KCNAB2: variants seen among roughly 807,000 people sequenced by gnomAD.
The protein encoded by KCNAB2 is voltage-gated potassium channel subunit beta-2.
Under a neutral mutation model 63.6 loss-of-function variants are expected in KCNAB2, and 29 were observed. The observed-to-expected ratio is 0.46, with a 90% CI of 0.34 to 0.62. The LOEUF (loss-of-function observed/expected upper bound fraction) is 0.62, where lower values mean the gene tolerates loss of function less well. KCNAB2 is among the 20% of genes least tolerant of loss of function. KCNAB2 has a pLI of 0.01. For synonymous variants in KCNAB2, 222 were observed against 224.2 expected (o/e 0.99, Z 0.09); for missense variants, 359 against 563.9 (o/e 0.64, Z 3.68).
chr1:6,081,997 A>G (rs1194398841), intron 4 of KCNAB2, among the ~76,000 whole-genome samples, 198 bp from the exon 5 acceptor site: 6 of 151,700 alleles, frequency 4.0e-5, no homozygotes, highest in Non-Finnish European at 8.8e-5. Flanking sequence ...ATTCTTCTCA[A>G]TGGGTTTGTT....
intron 2 of KCNAB2, 67 bp downstream of exon 2, chr1:6,051,821 G>T: frequency 6.8e-7 from 1 of 1,467,452 alleles, no homozygotes. Flanking sequence ...ATGTATAAAA[G>T]GGCTGGGCAC....
At chr1:6,082,359 C>T in intron 5 of KCNAB2, 85 bp downstream of exon 5, 2 of 1,042,686 alleles carry the variant, frequency 1.9e-6, no homozygotes, top group East Asian at 4.8e-5. Flanking sequence ...CTCGCGTTCC[C>T]AAGAGTGCTC....
At chr1:6,072,537 C>T (rs1428501464) in intron 2 of KCNAB2, among the ~76,000 whole-genome samples, 2 of 152,316 alleles carry the variant, frequency 1.3e-5, no homozygotes, top group East Asian at 1.9e-4. Flanking sequence ...CAGCAGGGCC[C>T]GTGCCAGCAG....
At chr1:6,023,845 T>C (rs1198978289) in intron 1 of KCNAB2, among the ~76,000 whole-genome samples, 1 of 152,074 alleles carries the variant, frequency 6.6e-6, no homozygotes, top group African/African-American at 2.4e-5. Context: ...TGATCATAAC[T>C]CACTGTAGCC....
At chr1:6,056,442 G>A (rs1661833141) in intron 2 of KCNAB2, among the ~76,000 whole-genome samples, 2 of 152,228 alleles carry the variant, frequency 1.3e-5, no homozygotes, top group African/African-American at 4.8e-5. Context: ...TAAGCATGAG[G>A]GAGCAGGGTG....
chr1:6,020,550 G>T (rs1658760575), intron 1 of KCNAB2, among the ~76,000 whole-genome samples: 1 of 152,318 alleles, frequency 6.6e-6, no homozygotes, highest in Non-Finnish European at 1.5e-5. Context: ...CTGGACTCGG[G>T]TTATGGACCG....
At position 6,071,579 on chromosome 1, in the gene KCNAB2, G is replaced by A. The variant is rs1049472343; in HGVS notation, c.219-1176G>A. 3.9e-5 allele frequency among the ~76,000 whole-genome samples: 6 copies of A among 152,220 alleles called. No homozygotes were observed. Among genetic ancestry groups the A allele is most frequent in the East Asian group, 3.8e-4 (2 of 5,196 alleles). ...CCTGGGTGGGATCCAGCTCCTCCGC[G>A]TGCTGGGCAGGTATCGTAACGTGGG... On this transcript the variant is annotated intron_variant, in intron 2 of 15. Coordinates refer to ENST00000378083, the MANE Select transcript of KCNAB2 (RefSeq NM_001199862.2). The surrounding 1 kb of genome is among the most constrained non-coding windows in gnomAD (Gnocchi z 8.5).
At chr1:5,997,005 C>G (rs1170081192) in intron 1 of KCNAB2, among the ~76,000 whole-genome samples, 1 of 152,202 alleles carries the variant, frequency 6.6e-6, no homozygotes, top group African/African-American at 2.4e-5. Flanking sequence ...GTCTCTGGCT[C>G]TCTGGCCTGC....
At chr1:6,038,698 G>A (rs1660251091) in intron 1 of KCNAB2, among the ~76,000 whole-genome samples, 1 of 152,328 alleles carries the variant, frequency 6.6e-6, no homozygotes, top group Admixed American at 6.5e-5. Flanking sequence ...TGACCCCAGG[G>A]ACAGAGGTTG....
intron 1 of KCNAB2, among the ~76,000 whole-genome samples, chr1:6,005,937 T>C (rs367681701): frequency 0.035 from 984 of 27,940 alleles, 42 homozygotes; most frequent in African/African-American, 0.1. Context: ...CACTCCACCC[T>C]CACCCCTCAG....
At chr1:6,077,118 G>A (rs1295001781) in intron 4 of KCNAB2, among the ~76,000 whole-genome samples, 2 of 152,010 alleles carry the variant, frequency 1.3e-5, no homozygotes, top group African/African-American at 4.8e-5. Flanking sequence ...TCTGGGAGGC[G>A]GAGGTTGCAG....
chr1:6,052,092 G>A (rs57334884), intron 2 of KCNAB2, among the ~76,000 whole-genome samples: 2 of 151,576 alleles, frequency 1.3e-5, no homozygotes, highest in Non-Finnish European at 2.9e-5. Context: ...ACAAGAGTGA[G>A]ACACTGTCTC....
chr1:6,091,315 G>C lies in KCNAB2; in HGVS notation c.646+8G>C, dbSNP rs1468220010. The stretch of plus-strand genomic sequence containing the variant: ...GGACATTCATCATAGAAGGTACACA[G>C]TGCCCCCAGCCTGACTATTGACTTC... On this transcript the variant is annotated splice_region_variant and intron_variant, in intron 10 of 15. Coordinates refer to ENST00000378083, the MANE Select transcript of KCNAB2 (RefSeq NM_001199862.2). 1.3e-6 allele frequency: 2 copies of C among 1,525,648 alleles called. No individual in the cohort carries two copies. Among genetic ancestry groups the C allele is most frequent in the African/African-American group, 2.7e-5 (2 of 72,776 alleles). 94.5% of individuals were successfully genotyped at this position (1,525,648 alleles called of 1,614,324 possible).
Position 6,011,364 on chromosome 1 carries a change from G to A in KCNAB2, c.-53+18576G>A, listed in dbSNP as rs1056057434. On this transcript the variant is annotated intron_variant, in intron 1 of 16. Coordinates refer to the KCNAB2 transcript ENST00000341524. ...CAGGCGGCTGTGCCCAGGGCCAGGT[G>A]TGCGGGAGGCGAGGCAGGCAGCTGT... 8.6e-5 allele frequency among the ~76,000 whole-genome samples: 13 copies of A among 151,200 alleles called. No homozygotes were observed. The East Asian group carries it at 2.3e-3, about 27-fold the overall frequency.
intron 2 of KCNAB2, among the ~76,000 whole-genome samples, chr1:6,063,261 G>A (rs1342906295): frequency 1.3e-5 from 2 of 152,034 alleles, no homozygotes; most frequent in African/African-American, 2.4e-5. Flanking sequence ...CTGACCTCAC[G>A]ATCCACCTGC....
At chr1:6,054,846 CA>C (rs1661677428) in intron 2 of KCNAB2, among the ~76,000 whole-genome samples, 1 of 152,162 alleles carries the variant, frequency 6.6e-6, no homozygotes, top group Non-Finnish European at 1.5e-5. Flanking sequence ...CGGGAGGGGA[CA>C]AATCAGAGGT....
intron 1 of KCNAB2, among the ~76,000 whole-genome samples, chr1:5,997,837 T>G (rs776899507): frequency 4.6e-5 from 7 of 152,052 alleles, no homozygotes; most frequent in East Asian, 1.9e-4. Context: ...TAAAACAAAT[T>G]TAAATTTAAA....
chr1:6,065,102 A>T (rs1662629427), intron 2 of KCNAB2, among the ~76,000 whole-genome samples: 1 of 152,150 alleles, frequency 6.6e-6, no homozygotes, highest in African/African-American at 2.4e-5. Context: ...CCCCCAGCGG[A>T]TACCCCACTC....
intron 4 of KCNAB2, among the ~76,000 whole-genome samples, chr1:6,079,089 G>C (rs1478391875): frequency 6.6e-6 from 1 of 152,188 alleles, no homozygotes; most frequent in Non-Finnish European, 1.5e-5. Context: ...TAGTCAAGGA[G>C]GGCTCCCCAG....
Sources: allele counts gnomAD v4.1 joint callset (sites outside exome capture counted in the v4.1 genomes callset), GRCh38; gene constraint gnomAD v4.1.1; non-coding constraint Gnocchi (gnomAD v3.1); transcripts MANE v1.5; gene names NCBI Gene and HGNC (gene_info 2026-07-23, HGNC 2026-07-21).